INTS4: variants seen among roughly 807,000 people sequenced by gnomAD.
The protein encoded by INTS4 is MSTP093.
Under a neutral mutation model 119.5 loss-of-function variants are expected in INTS4, and 70 were observed. The ratio of observed to expected loss-of-function variants is 0.59; its 90% CI spans 0.48 to 0.71. The LOEUF is 0.71. Among genes scored for constraint, INTS4 ranks in the 30% least tolerant of loss-of-function variants. The pLI is 0.00. For missense variants in INTS4, 867 were observed against 1,173.2 expected, an observed-to-expected ratio of 0.74 and a Z score of 3.81; for synonymous variants, 316 against 419.6, an observed-to-expected ratio of 0.75 and a Z score of 3.02.
intron 2 of INTS4, among the ~76,000 whole-genome samples, chr11:77,983,954 A>G (rs1400269399): frequency 1.3e-5 from 2 of 152,218 alleles, no homozygotes; most frequent in Admixed American, 6.5e-5. Flanking sequence ...AGCATTATTC[A>G]CAACAGCTAA....
chr11:77,933,581 C>T (rs980247320), intron 10 of INTS4, among the ~76,000 whole-genome samples: 2 of 152,188 alleles, frequency 1.3e-5, no homozygotes, highest in African/African-American at 2.4e-5. Flanking sequence ...CTACAACCTC[C>T]ACCTCCCAGC....
intron 2 of INTS4, among the ~76,000 whole-genome samples, chr11:77,985,031 A>G (rs1473599807): frequency 1.3e-5 from 2 of 152,036 alleles, no homozygotes; most frequent in Non-Finnish European, 2.9e-5. Context: ...TCCTTCTACT[A>G]TGACACATAA....
intron 7 of INTS4, among the ~76,000 whole-genome samples, chr11:77,957,126 G>A (rs908109402): frequency 1.3e-5 from 2 of 151,936 alleles, no homozygotes; most frequent in African/African-American, 4.8e-5. Context: ...AGTAGAGATG[G>A]TTCACCATGT....
rs760467454 is a variant in INTS4 at position 77,879,098 on chromosome 11, G to A, written c.2743C>T (p.Leu915=). The A allele has an allele frequency of 1.2e-6, 2 of 1,614,040 alleles. No homozygotes were observed. Among genetic ancestry groups the A allele is most frequent in the African/African-American group, 2.7e-5 (2 of 74,914 alleles). ...ATGCGAGCACTGGAGTTGTAGGCCA[G>A]CAGCAGCCTCACTTCCACCTGGCAT... ...EACQVEVRLL[L]AYNSSARIPK... is the part of the protein sequence containing the mutation. The change falls in exon 23 of 23, where the codon CTG becomes TTG. Residue 915 remains leucine, a synonymous_variant. Coordinates refer to ENST00000534064, the MANE Select transcript of INTS4 (RefSeq NM_033547.4).
chr11:77,933,191 TCCCTCTCCGTCC>T (rs1953697912), intron 10 of INTS4, among the ~76,000 whole-genome samples: 1 of 151,904 alleles, frequency 6.6e-6, no homozygotes, highest in African/African-American at 2.4e-5. Context: ...CCTCTCCCTG[TCCCTCTCCGTCC>T]CCCTCTCCAT....
intron 8 of INTS4, among the ~76,000 whole-genome samples, chr11:77,941,657 A>G (rs2136529080): frequency 6.6e-6 from 1 of 151,910 alleles, no homozygotes; most frequent in South Asian, 2.1e-4. Context: ...TTGTAATTGT[A>G]ATTTTTTGTT....
chr11:77,924,632 A>G, intron 12 of INTS4, 118 bp downstream of exon 12: 1 of 880,430 alleles, frequency 1.1e-6, no homozygotes, highest in Non-Finnish European at 1.7e-6. Context: ...AGGTTTCTAA[A>G]GTAAAGGCAA....
intron 3 of INTS4, among the ~76,000 whole-genome samples, chr11:77,980,159 T>C (rs1479568543): frequency 3.4e-5 from 4 of 118,316 alleles, no homozygotes; most frequent in African/African-American, 1.4e-4. Flanking sequence ...TTTTTCCAAC[T>C]ACTTATAATT....
At chr11:77,928,281 C>T (rs1953558118) in intron 11 of INTS4, 61 bp downstream of exon 11, 8 of 1,572,938 alleles carry the variant, frequency 5.1e-6, no homozygotes, top group South Asian at 1.1e-5. Flanking sequence ...TAGCACAATA[C>T]CTGATTTTAA....
In INTS4 at chr11:77,986,426, C is replaced by T. The variant is rs201027134; in HGVS notation, c.246+4682G>A. On this transcript the variant is annotated intron_variant, in intron 2 of 22. Coordinates refer to ENST00000534064, the MANE Select transcript of INTS4 (RefSeq NM_033547.4). ...AGTTCAACCATTGTGGAAGAGAGTG[C>T]GGCAATTCCTCAAGGATCTAGAACT... Among the ~76,000 whole-genome samples the T allele has an allele frequency of 3.9e-5, 6 of 152,210 alleles. No homozygotes were observed. The East Asian group carries it at 5.8e-4, about 15-fold the overall frequency.
At chr11:77,925,871 T>C (rs1197612848) in intron 11 of INTS4, among the ~76,000 whole-genome samples, 2 of 152,232 alleles carry the variant, frequency 1.3e-5, no homozygotes, top group Non-Finnish European at 2.9e-5. Context: ...CCTGAAGTTA[T>C]TCTCCCAGTC....
intron 6 of INTS4, 126 bp downstream of exon 6, chr11:77,960,215 T>C (rs1591110553): frequency 3.1e-6 from 2 of 640,126 alleles, no homozygotes; most frequent in Non-Finnish European, 5.7e-6. Flanking sequence ...TTCACATCCA[T>C]CCCAATCAAC....
intron 18 of INTS4, among the ~76,000 whole-genome samples, chr11:77,897,505 A>AT (rs1184504626): frequency 4.6e-5 from 7 of 150,714 alleles, no homozygotes; most frequent in Admixed American, 1.3e-4. Flanking sequence ...TATTATTATT[A>AT]TTATTTTTTT....
chr11:77,892,173 A>T (rs1487501638), intron 19 of INTS4, among the ~76,000 whole-genome samples: 1 of 152,188 alleles, frequency 6.6e-6, no homozygotes, highest in African/African-American at 2.4e-5. Context: ...CATTTTTAAG[A>T]CCTACGAAGC....
rs371708032 is a variant in INTS4, at chr11:77,935,903, A to AAAAAAAAGAAAAGAAAGAGAG, written c.1165+2747_1165+2748insCTCTCTTTCTTTTCTTTTTTT. Among the ~76,000 whole-genome samples, 367 of 86,966 alleles carry AAAAAAAAGAAAAGAAAGAGAG rather than the reference A, an allele frequency of 4.2e-3. 31 individuals are homozygous for AAAAAAAAGAAAAGAAAGAGAG. The highest frequency in any genetic ancestry group is 0.013 in the African/African-American group (230 of 18,266). 57.1% of individuals were successfully genotyped at this position (86,966 alleles called of 152,430 possible). A position where few individuals can be genotyped will look rare whatever the true frequency, so the allele number is the denominator to read the frequency against. On this transcript the variant is annotated intron_variant, in intron 10 of 22. Transcript: ENST00000534064. ...AGAGCAAGATCCTGTCTCAAAAAAA[A>AAAAAAAAGAAAAGAAAGAGAG]AAAAAAGAAAAGAAGAGGTTTTGCG...
intron 2 of INTS4, among the ~76,000 whole-genome samples, chr11:77,983,231 T>C (rs759807254): frequency 2.6e-5 from 4 of 152,208 alleles, no homozygotes; most frequent in Non-Finnish European, 2.9e-5. Flanking sequence ...TTGATCTTTA[T>C]TATTTTCTTC....
At chr11:77,941,934 A>G (rs1953938671) in intron 8 of INTS4, among the ~76,000 whole-genome samples, 1 of 152,218 alleles carries the variant, frequency 6.6e-6, no homozygotes, top group African/African-American at 2.4e-5. Context: ...CAAAAAGATT[A>G]AATAACATAT....
intron 4 of INTS4, among the ~76,000 whole-genome samples, chr11:77,961,406 T>C (rs573780913): frequency 6.6e-6 from 1 of 152,310 alleles, no homozygotes; most frequent in East Asian, 1.9e-4. Flanking sequence ...GCACTTTGCC[T>C]TGTACAGAGT....
At chr11:77,891,239 G>C in intron 21 of INTS4, 80 bp downstream of exon 21, 2 of 1,349,596 alleles carry the variant, frequency 1.5e-6, no homozygotes, top group Middle Eastern at 5.2e-4. Context: ...CCCTCAAGTA[G>C]AGACTACAGG....
Sources: allele counts gnomAD v4.1 joint callset (sites outside exome capture counted in the v4.1 genomes callset), GRCh38; gene constraint gnomAD v4.1.1; transcripts MANE v1.5; gene names NCBI Gene and HGNC (gene_info 2026-07-23, HGNC 2026-07-21).